The following USF1 variants were observed in gnomAD, a reference collection of about 807,000 sequenced individuals.
USF1 encodes upstream stimulatory factor 1.
A neutral mutation model predicts 46.3 loss-of-function variants in USF1; 22 were observed. The observed-to-expected ratio is 0.47, with a 90% confidence interval of 0.34 to 0.68. USF1 has a LOEUF of 0.68. Among genes scored for constraint, USF1 ranks in the 30% least tolerant of loss-of-function variants. The pLI is 0.01. For synonymous variants in USF1, 150 were observed against 147.0 expected, an observed-to-expected ratio of 1.02 and a Z score of -0.15; for missense variants, 287 against 399.3, an observed-to-expected ratio of 0.72 and a Z score of 2.40.
chr1:161,045,265 G>GAA (rs1650753739), intron 1 of USF1, among the ~76,000 whole-genome samples: 1 of 152,236 alleles, frequency 6.6e-6, no homozygotes, highest in Admixed American at 6.5e-5. Context: ...TGGACATCCG[G>GAA]AAGCATTTCC....
In USF1 at chr1:161,040,006, C is replaced by A. The variant is rs764973263; in HGVS notation, c.847G>T (p.Glu283Ter). 6.2e-7 allele frequency: 1 copy of A among 1,614,168 alleles called. No homozygotes were observed. Among genetic ancestry groups the A allele is most frequent in the Non-Finnish European group, 8.5e-7 (1 of 1,180,028 alleles). Residue 283 changes from glutamate to a stop codon, truncating the protein, a stop_gained, in exon 11 of 11, where the codon GAA (glutamate) becomes TAA (stop). Coordinates refer to ENST00000368021, the MANE Select transcript of USF1 (RefSeq NM_007122.5). LOFTEE classifies it high-confidence loss of function. This position sits in a 1 kb window ranked among gnomAD's most constrained non-coding sequence, Gnocchi z 4.0. ...AGCAGATTCTTGTTTTTAAGATCTT[C>A]CACCTGACATGGGAAGGAGGCAGTA... Reference protein sequence around the residue: ...LDNDVLRQQVEDLKNKNLLLR... With the variant: ...LDNDVLRQQV
chr1:161,041,587 C>T, intron 6 of USF1, 64 bp downstream of exon 6: 1 of 1,559,324 alleles, frequency 6.4e-7, no homozygotes, highest in South Asian at 1.2e-5. Flanking sequence ...GGCTCACTGC[C>T]TACCAGTCAT....
At chr1:161,045,376 C>T (rs930956857) in intron 1 of USF1, among the ~76,000 whole-genome samples, 3 of 151,974 alleles carry the variant, frequency 2.0e-5, no homozygotes, top group Non-Finnish European at 4.4e-5. Flanking sequence ...AGTCTGGACA[C>T]AAAGGGAAAA....
At chr1:161,042,005 C>T in intron 5 of USF1, 111 bp downstream of exon 5, 1 of 1,364,834 alleles carries the variant, frequency 7.3e-7, no homozygotes. Context: ...TGCTTTGGGA[C>T]AAGGCAGCCT....
At position 161,043,297 on chromosome 1, in the gene USF1, C is replaced by T. The variant is rs761773351; in HGVS notation, c.-22G>A. On this transcript the variant is annotated 5_prime_UTR_variant, in exon 2 of 11. Transcript: ENST00000368021. ...TCATCTCTCTGTGAGGGGGCACATC[C>T]GAGGAACTGGTCCTTTTTTGGAGGT... The T allele has an allele frequency of 2.4e-5, 39 of 1,614,076 alleles. No individual in the cohort carries two copies. The highest frequency in any genetic ancestry group is 8.9e-5 in the East Asian group (4 of 44,900).
Position 161,040,850 on chromosome 1 carries a change from T to G in USF1, c.583A>C (p.Thr195Pro), listed in dbSNP as rs1650521540. Reference protein sequence around the residue: ...YSPKSEAPRTTRDEKRRAQHN... With the variant: ...YSPKSEAPRTPRDEKRRAQHN... ...TGAGCCCTGCGTTTCTCATCCCGAG[T>G]CGTCCGGGGAGCTTCTGACTTCCTG... Residue 195 changes from threonine to proline, a missense_variant, in exon 8 of 11, where the codon ACT becomes CCT. Thr to Pro is a conservative substitution (Grantham distance 38, BLOSUM62 -1). Coordinates refer to ENST00000368021, the MANE Select transcript of USF1 (RefSeq NM_007122.5). This position sits in a 1 kb window ranked among gnomAD's most constrained non-coding sequence, Gnocchi z 4.0. 3 of 1,613,806 alleles carry G rather than the reference T, an allele frequency of 1.9e-6. No homozygotes were observed. The highest frequency in any genetic ancestry group is 2.5e-6 in the Non-Finnish European group (3 of 1,179,942).
At chr1:161,042,091 G>A in intron 5 of USF1, 25 bp downstream of exon 5, 3 of 1,589,190 alleles carry the variant, frequency 1.9e-6, no homozygotes, top group Non-Finnish European at 2.6e-6. Flanking sequence ...GAACTCTAGT[G>A]ACCTCCCCAG....
chr1:161,041,000 A>C lies in USF1; in HGVS notation c.561-128T>G, dbSNP rs564800547. ...ATGGTAGCTAGGTGTGGTGTCTCAC[A>C]CCTGTAATCCCAGCACTTTGGGAGG... is the stretch of plus-strand genomic sequence containing the variant. On this transcript the variant is annotated intron_variant, in intron 7 of 10. Transcript: ENST00000368021. The surrounding 1 kb of genome is among the most constrained non-coding windows in gnomAD (Gnocchi z 4.0). The C allele has an allele frequency of 2.6e-5, 33 of 1,258,090 alleles. No homozygotes were observed. In the African/African-American group the frequency reaches 4.0e-4, roughly 15 times the overall value. The allele number at this position is 1,258,090 out of a possible 1,614,324, so 77.9% of individuals were successfully genotyped here.
chr1:161,041,775 A>G lies in USF1; in HGVS notation c.348T>C (p.Tyr116=), dbSNP rs745804959. The G allele has an allele frequency of 4.3e-6, 7 of 1,613,990 alleles. No homozygotes were observed. Among genetic ancestry groups the G allele is most frequent in the Non-Finnish European group, 5.1e-6 (6 of 1,180,008 alleles). The change falls in exon 6 of 11, where the codon TAT becomes TAC. Residue 116 remains tyrosine (Y), a synonymous_variant. Coordinates refer to ENST00000368021, the MANE Select transcript of USF1 (RefSeq NM_007122.5). The part of the protein sequence containing the change: ...DTEGTAAETH[Y]TYFPSTAVGD... ...CCACTGCCGTGCTGGGGAAGTAAGT[A>G]TAGTGCGTCTCAGCAGCTGTCCCCT...
rs1172850676 is a variant in USF1 at position 161,040,895 on chromosome 1, C to G, written c.561-23G>C. 1 of 1,613,624 alleles carries G rather than the reference C, an allele frequency of 6.2e-7. No homozygotes were observed. The highest frequency in any genetic ancestry group is 8.5e-7 in the Non-Finnish European group (1 of 1,179,952). On this transcript the variant is annotated intron_variant, in intron 7 of 10. Coordinates refer to ENST00000368021, the MANE Select transcript of USF1 (RefSeq NM_007122.5). This position sits in a 1 kb window ranked among gnomAD's most constrained non-coding sequence, Gnocchi z 4.0. The stretch of plus-strand genomic sequence containing the variant: ...TTCCTGACAACAGAGCCCAGGGTGG[C>G]CAGAGTAAGAAGACAAAATACATGA...
rs370847325 is a variant in USF1, at chr1:161,040,762, C to G, written c.619+52G>C. 1.3e-4 allele frequency: 206 copies of G among 1,613,600 alleles called. 1 individual carries two copies. In the African/African-American group the frequency reaches 2.5e-3, roughly 19 times the overall value. On this transcript the variant is annotated intron_variant, in intron 8 of 10. Coordinates refer to ENST00000368021, the MANE Select transcript of USF1 (RefSeq NM_007122.5). The surrounding 1 kb of genome is among the most constrained non-coding windows in gnomAD (Gnocchi z 4.0). ...CCTAATCCCTCCTCCCCTCAGACAT[C>G]ACTGCTGAGATCACACCAGACAGCT...
chr1:161,041,511 AT>A, intron 6 of USF1, 100 bp from the exon 7 acceptor site: 7 of 1,486,344 alleles, frequency 4.7e-6, no homozygotes, highest in Non-Finnish European at 6.4e-6. Context: ...GAACATGCTA[AT>A]AGAAGAGCAG....
At position 161,040,135 on chromosome 1, in the gene USF1, G is replaced by C. The variant is rs896514237; in HGVS notation, c.843+67C>G. On this transcript the variant is annotated intron_variant, in intron 10 of 10. Coordinates refer to ENST00000368021, the MANE Select transcript of USF1 (RefSeq NM_007122.5). The surrounding 1 kb of genome is among the most constrained non-coding windows in gnomAD (Gnocchi z 4.0). ...AGCCTTCTCCATGGAGAACAAAGTA[G>C]AGGGTGTCAAACTGGGTCAGTGGCT... 1.2e-6 allele frequency: 2 copies of C among 1,610,676 alleles called. No homozygotes were observed. Among genetic ancestry groups the C allele is most frequent in the African/African-American group, 2.7e-5 (2 of 74,852 alleles).
intron 1 of USF1, among the ~76,000 whole-genome samples, chr1:161,043,839 G>A (rs1335115290): frequency 2.0e-5 from 3 of 151,026 alleles, no homozygotes; most frequent in Non-Finnish European, 4.4e-5. Flanking sequence ...GGCCCGGCTG[G>A]TCTCGAACTC....
chr1:161,043,385 A>C (rs1650655318), intron 1 of USF1, 25 bp from the exon 2 acceptor site: 27 of 1,570,212 alleles, frequency 1.7e-5, no homozygotes, highest in Non-Finnish European at 2.1e-5. Context: ...GAAGTTTGCA[A>C]TGAGTTTAGG....
intron 1 of USF1, among the ~76,000 whole-genome samples, chr1:161,044,154 G>A (rs569908221): frequency 6.6e-6 from 1 of 152,004 alleles, no homozygotes; most frequent in Admixed American, 6.6e-5. Flanking sequence ...TATTGGCCAG[G>A]CTGGTCTGGA....
At position 161,040,195 on chromosome 1, in the gene USF1, G is replaced by T. The variant is rs747360988; in HGVS notation, c.843+7C>A. 9 of 1,613,926 alleles carry T rather than the reference G, an allele frequency of 5.6e-6. No homozygotes were observed. Among genetic ancestry groups the T allele is most frequent in the Non-Finnish European group, 8.5e-7 (1 of 1,180,024 alleles). ...GAGAAGGGCTGCACTGGGGGTAGGA[G>T]TCTGACCTGTTGTCGAAGCACGTCA... On this transcript the variant is annotated splice_region_variant and intron_variant, in intron 10 of 10. Coordinates refer to ENST00000368021, the MANE Select transcript of USF1 (RefSeq NM_007122.5). This position sits in a 1 kb window ranked among gnomAD's most constrained non-coding sequence, Gnocchi z 4.0.
Position 161,040,782 on chromosome 1 carries a change from A to G in USF1, c.619+32T>C. ...GACATCACTGCTGAGATCACACCAG[A>G]CAGCTTCTAGCTCCACCCAGATCAT... is the stretch of plus-strand genomic sequence containing the variant. On this transcript the variant is annotated intron_variant, in intron 8 of 10. Coordinates refer to ENST00000368021, the MANE Select transcript of USF1 (RefSeq NM_007122.5). This position sits in a 1 kb window ranked among gnomAD's most constrained non-coding sequence, Gnocchi z 4.0. 1 of 1,613,952 alleles carries G rather than the reference A, an allele frequency of 6.2e-7. No individual in the cohort carries two copies. Among genetic ancestry groups the G allele is most frequent in the Non-Finnish European group, 8.5e-7 (1 of 1,179,970 alleles).
Position 161,041,430 on chromosome 1 carries a change from G to A in USF1, c.473-19C>T. On this transcript the variant is annotated intron_variant, in intron 6 of 10. Transcript: ENST00000368021. ...AATTGACCTGTGAAGATGCAGGGTA[G>A]GTTCTGTCAGGACATGGGTAGGAAC... 1.9e-6 allele frequency: 3 copies of A among 1,611,222 alleles called. No individual in the cohort carries two copies. The highest frequency in any genetic ancestry group is 2.5e-6 in the Non-Finnish European group (3 of 1,178,600).
Sources: gnomAD v4.1 joint callset for allele counts (sites outside exome capture counted in the v4.1 genomes callset) on GRCh38, gnomAD v4.1.1 for gene constraint, Gnocchi (gnomAD v3.1) non-coding constraint, MANE v1.5 for transcripts, NCBI Gene and HGNC (gene_info 2026-07-23, HGNC 2026-07-21) for gene names.